Variants in RIPOR2 observed in about 807,000 individuals in gnomAD.
RIPOR2 encodes RHO family interacting cell polarization regulator 2.
A neutral mutation model predicts 114.5 loss-of-function variants in RIPOR2; 39 were observed. The ratio of observed to expected loss-of-function variants is 0.34; its 90% CI spans 0.26 to 0.44. The LOEUF (loss-of-function observed/expected upper bound fraction) is 0.44, where lower values mean the gene tolerates loss of function less well. RIPOR2 is among the 20% of genes least tolerant of loss of function. The probability of loss-of-function intolerance (pLI) is 1.00; values close to 1 mark genes in which losing one functional copy is unlikely to be tolerated. For synonymous variants in RIPOR2, 445 were observed against 484.4 expected (o/e 0.92, Z 1.07); for missense variants, 1,007 against 1,255.1 (o/e 0.80, Z 2.99).
chr6:24,915,119 T>C (rs1769968164), intron 1 of RIPOR2, among the ~76,000 whole-genome samples: 1 of 152,230 alleles, frequency 6.6e-6, no homozygotes, highest in Admixed American at 6.5e-5. Flanking sequence ...ATAACTGTGA[T>C]GCTTCTTATC....
intron 1 of RIPOR2, among the ~76,000 whole-genome samples, chr6:24,998,521 C>T (rs1039530274): frequency 6.6e-6 from 1 of 152,092 alleles, no homozygotes; most frequent in Admixed American, 6.5e-5. Context: ...AAATCTGCAA[C>T]TAGAATGATA....
Position 24,850,097 on chromosome 6 carries a change from C to CT in RIPOR2, c.886-148dup, listed in dbSNP as rs5875008. ...GAAGCGGATTTTCATTTTTCTTTTT[C>CT]TTTTTTTTTTTTTTTTGGAGACAGG... On this transcript the variant is annotated intron_variant, in intron 10 of 21. Coordinates refer to ENST00000643898, the MANE Select transcript of RIPOR2 (RefSeq NM_001286445.3). 0.35 allele frequency: 150,990 copies of CT among 434,638 alleles called. 15,451 individuals are homozygous for CT. The highest frequency in any genetic ancestry group is 0.43 in the East Asian group (9,949 of 23,180). The allele number at this position is 434,638 out of a possible 1,614,324, so 26.9% of individuals were successfully genotyped here. A position where few individuals can be genotyped will look rare whatever the true frequency, so the allele number is the denominator to read the frequency against.
At chr6:24,840,803 G>A (rs1323857084) in intron 13 of RIPOR2, 1 of 1,534,136 alleles carries the variant, frequency 6.5e-7, no homozygotes, top group Admixed American at 2.0e-5. Context: ...GGAGAAAAGA[G>A]AAAGCTTTGT....
At chr6:24,844,855 T>C (rs1312920534) in intron 12 of RIPOR2, among the ~76,000 whole-genome samples, 1 of 152,168 alleles carries the variant, frequency 6.6e-6, no homozygotes, top group Non-Finnish European at 1.5e-5. Context: ...AATAATTGTT[T>C]TAATTATATA....
intron 5 of RIPOR2, among the ~76,000 whole-genome samples, chr6:24,870,482 C>T (rs1214004986): frequency 6.6e-6 from 1 of 152,146 alleles, no homozygotes; most frequent in Non-Finnish European, 1.5e-5. Context: ...AGAGGGTCTC[C>T]CATTGACTTC....
chr6:24,840,208 T>A (rs969371292), intron 13 of RIPOR2: 8 of 979,150 alleles, frequency 8.2e-6, no homozygotes, highest in Middle Eastern at 5.1e-4. Context: ...CTTCCCAAAG[T>A]GTTGGGATTA....
intron 1 of RIPOR2, among the ~76,000 whole-genome samples, chr6:25,016,509 T>C (rs1776009809): frequency 6.6e-6 from 1 of 152,212 alleles, no homozygotes; most frequent in African/African-American, 2.4e-5. Flanking sequence ...TTCCACAGCA[T>C]GACTTAATTG....
chr6:24,923,770 T>G (rs535621095), intron 1 of RIPOR2, among the ~76,000 whole-genome samples: 1 of 151,974 alleles, frequency 6.6e-6, no homozygotes, highest in South Asian at 2.1e-4. Flanking sequence ...ATCACTTGAA[T>G]CTGGGAGGCA....
intron 1 of RIPOR2, among the ~76,000 whole-genome samples, chr6:24,984,304 T>C (rs922164631): frequency 2.6e-5 from 4 of 152,120 alleles, no homozygotes; most frequent in African/African-American, 9.7e-5. Context: ...GGATTATCAT[T>C]AGTTCTTACA....
chr6:24,991,979 C>A (rs1024919919), intron 1 of RIPOR2, among the ~76,000 whole-genome samples: 1 of 152,140 alleles, frequency 6.6e-6, no homozygotes, highest in Non-Finnish European at 1.5e-5. Flanking sequence ...AGTTTCAATT[C>A]ATTTTGCATC....
chr6:24,817,978 C>CTCTTTTTTTTTTTTT (rs140745822), intron 20 of RIPOR2, among the ~76,000 whole-genome samples: 1 of 118,366 alleles, frequency 8.4e-6, no homozygotes, highest in South Asian at 2.6e-4. Context: ...CTCTCTCTCT[C>CTCTTTTTTTTTTTTT]TTTTTTTTTG....
Position 24,875,834 on chromosome 6 carries a change from AG to A in RIPOR2, c.62-18del. ...TCGGTAGTCCTAGAAGACAGTGGAA[AG>A]ATCATGACAATTTATAGGCAGGTTC... On this transcript the variant is annotated intron_variant, in intron 1 of 21. Transcript: ENST00000643898. 6.3e-7 allele frequency: 1 copy of A among 1,588,740 alleles called. No individual in the cohort carries two copies. The highest frequency in any genetic ancestry group is 8.6e-7 in the Non-Finnish European group (1 of 1,166,908).
At chr6:24,990,943 C>T (rs567453107) in intron 1 of RIPOR2, among the ~76,000 whole-genome samples, 6 of 152,322 alleles carry the variant, frequency 3.9e-5, no homozygotes, top group East Asian at 1.9e-4. Context: ...AATATGCATG[C>T]GCACTCAATG....
intron 4 of RIPOR2, among the ~76,000 whole-genome samples, chr6:24,871,107 C>T (rs1339079605): frequency 6.6e-6 from 1 of 152,138 alleles, no homozygotes; most frequent in Non-Finnish European, 1.5e-5. Flanking sequence ...AGTAAGAGTA[C>T]ATTTAAGAGC....
At chr6:24,910,184 C>T (rs191090259) in intron 1 of RIPOR2, among the ~76,000 whole-genome samples, 1 of 152,296 alleles carries the variant, frequency 6.6e-6, no homozygotes, top group African/African-American at 2.4e-5. Flanking sequence ...CTCCCCCCAT[C>T]TTTCCAGACA....
chr6:24,914,424 C>G (rs890659371), intron 1 of RIPOR2, among the ~76,000 whole-genome samples: 1 of 152,162 alleles, frequency 6.6e-6, no homozygotes, highest in African/African-American at 2.4e-5. Flanking sequence ...AACCCAGGTG[C>G]CAGGCACTCT....
chr6:24,924,478 G>C (rs1437132667), intron 1 of RIPOR2, among the ~76,000 whole-genome samples: 4 of 152,092 alleles, frequency 2.6e-5, no homozygotes, highest in African/African-American at 9.7e-5. Context: ...TTACTGTTGG[G>C]CTGAGAGAAA....
At chr6:25,019,032 A>G (rs1403477229) in intron 1 of RIPOR2, among the ~76,000 whole-genome samples, 1 of 152,218 alleles carries the variant, frequency 6.6e-6, no homozygotes, top group Non-Finnish European at 1.5e-5. Context: ...CAAACAGAAA[A>G]GAAAGAACAA....
At position 25,018,294 on chromosome 6, in the gene RIPOR2, T is replaced by C. The variant is rs1776116873; in HGVS notation, c.76+23557A>G. Among the ~76,000 whole-genome samples the C allele has an allele frequency of 2.6e-5, 4 of 152,324 alleles. No individual in the cohort carries two copies. The South Asian group carries it at 8.3e-4, about 32-fold the overall frequency. ...AGAGCAAACTGAAATACGTTCCTCT[T>C]GGAAAATCAGAAACATAAAGAAAAT... On this transcript the variant is annotated intron_variant, in intron 1 of 13. Coordinates refer to the RIPOR2 transcript ENST00000510784.
Sources: allele counts gnomAD v4.1 joint callset (sites outside exome capture counted in the v4.1 genomes callset), GRCh38; gene constraint gnomAD v4.1.1; transcripts MANE v1.5; gene names NCBI Gene and HGNC (gene_info 2026-07-23, HGNC 2026-07-21).